The following LITAF variants were observed in gnomAD, a reference collection of about 807,000 sequenced individuals.
The protein encoded by LITAF is lipopolysaccharide-induced tumor necrosis factor-alpha factor.
In LITAF, 9 loss-of-function variants were observed where a neutral mutation model predicts 14.5. The observed-to-expected ratio is 0.62, with a 90% CI of 0.37 to 1.08. The LOEUF (loss-of-function observed/expected upper bound fraction) is 1.08, where lower values mean the gene tolerates loss of function less well. Among genes scored for constraint, LITAF ranks in the 50% least tolerant of loss-of-function variants. The pLI is 0.01. For missense variants in LITAF, 206 were observed against 213.4 expected (o/e 0.97, Z 0.22); for synonymous variants, 98 against 88.2 (o/e 1.11, Z -0.62).
At chr16:11,566,848 C>A (rs916031767) in intron 1 of LITAF, among the ~76,000 whole-genome samples, 11 of 151,960 alleles carry the variant, frequency 7.2e-5, no homozygotes, top group Non-Finnish European at 1.6e-4. Context: ...AGGGCTTACT[C>A]CAATAGCTCT....
At chr16:11,631,649 C>G (rs1310866571) in intron 3 of LITAF, among the ~76,000 whole-genome samples, 1 of 152,322 alleles carries the variant, frequency 6.6e-6, no homozygotes, top group East Asian at 1.9e-4. Flanking sequence ...CTCAACCTCC[C>G]AAAGTGCTGG....
At chr16:11,628,683 C>T (rs954517596) in intron 3 of LITAF, among the ~76,000 whole-genome samples, 1 of 147,478 alleles carries the variant, frequency 6.8e-6, no homozygotes, top group Non-Finnish European at 1.5e-5. Context: ...TTTTTCTTTT[C>T]TTTTTTTTTT....
chr16:11,629,752 C>T (rs1441251464), intron 3 of LITAF, among the ~76,000 whole-genome samples: 2 of 152,116 alleles, frequency 1.3e-5, no homozygotes, highest in Non-Finnish European at 2.9e-5. Context: ...CAGAGGCAGC[C>T]AGTTTCGAAT....
upstream of LITAF, among the ~76,000 whole-genome samples, chr16:11,639,310 T>C (rs2065155082): frequency 6.7e-6 from 1 of 149,986 alleles, no homozygotes; most frequent in East Asian, 2.0e-4. Context: ...GTGGGAGGGA[T>C]AGACGGGGCA....
intron 1 of LITAF, among the ~76,000 whole-genome samples, chr16:11,585,041 C>G: frequency 6.6e-6 from 1 of 152,148 alleles, no homozygotes; most frequent in Middle Eastern, 3.4e-3. Flanking sequence ...AACTCTGTCT[C>G]TACTAAAAAT....
chr16:11,601,609 G>A (rs2058818), upstream of LITAF, among the ~76,000 whole-genome samples: 14,566 of 152,062 alleles, frequency 0.096, 866 homozygotes, highest in Non-Finnish European at 0.12. Flanking sequence ...TCGCTCTGTC[G>A]CTCAGGCTGG....
chr16:11,568,976 A>C (rs2141777553), intron 1 of LITAF, among the ~76,000 whole-genome samples: 1 of 152,100 alleles, frequency 6.6e-6, no homozygotes, highest in African/African-American at 2.4e-5. Flanking sequence ...CACTGTGTTC[A>C]GCCTGACACC....
At chr16:11,608,980 C>CA (rs3048072) in intron 3 of LITAF, among the ~76,000 whole-genome samples, 73,743 of 149,628 alleles carry the variant, frequency 0.49, 19,556 homozygotes, top group African/African-American at 0.69. Flanking sequence ...AACAAACAAA[C>CA]AAAAAAAAAC....
rs775462462 is a variant in LITAF, at chr16:11,586,393, G to T, written c.-6+493C>A. The T allele has an allele frequency of 1.3e-5, 2 of 152,238 alleles. No homozygotes were observed. The highest frequency in any genetic ancestry group is 4.8e-5 in the African/African-American group (2 of 41,462). The allele number at this position is 152,238 out of a possible 1,614,324, so 9.4% of individuals were successfully genotyped here. A position where few individuals can be genotyped will look rare whatever the true frequency, so the allele number is the denominator to read the frequency against. On this transcript the variant is annotated intron_variant, in intron 1 of 3. Coordinates refer to ENST00000622633, the MANE Select transcript of LITAF (RefSeq NM_001136472.2). The surrounding 1 kb of genome is among the most constrained non-coding windows in gnomAD (Gnocchi z 6.5). ...AGAAACGCGGGTACCCGCGCCCCTAGAAGTCAAATGTTTGGCAAATAGCAT... is the reference window on the plus strand; with the variant it reads ...AGAAACGCGGGTACCCGCGCCCCTATAAGTCAAATGTTTGGCAAATAGCAT...
At chr16:11,618,893 G>A (rs1178528700) in intron 3 of LITAF, among the ~76,000 whole-genome samples, 1 of 152,038 alleles carries the variant, frequency 6.6e-6, no homozygotes, top group Non-Finnish European at 1.5e-5. Context: ...TGAGGCAGGA[G>A]AATCGCGTGA....
At chr16:11,620,614 G>T (rs1316487321) in intron 3 of LITAF, among the ~76,000 whole-genome samples, 1 of 152,114 alleles carries the variant, frequency 6.6e-6, no homozygotes, top group South Asian at 2.1e-4. Context: ...GATTACAGAC[G>T]TGAGCCACTG....
At chr16:11,617,401 C>T (rs1464219970) in intron 3 of LITAF, among the ~76,000 whole-genome samples, 1 of 147,012 alleles carries the variant, frequency 6.8e-6, no homozygotes, top group Non-Finnish European at 1.5e-5. Context: ...GCAGTCCCAG[C>T]AATATATCAA....
At chr16:11,636,314 T>C (rs1489900564) in exon 1 of LITAF, 1 of 152,148 alleles carries the variant, frequency 6.6e-6, no homozygotes, top group African/African-American at 2.4e-5. Flanking sequence ...AGCAGAAGTG[T>C]AATAGGCGAA....
At chr16:11,596,696 CA>C (rs1381393758) in intron 1 of LITAF, among the ~76,000 whole-genome samples, 2 of 71,156 alleles carry the variant, frequency 2.8e-5, no homozygotes, top group Admixed American at 1.8e-4. Flanking sequence ...GGGGAAGGAG[CA>C]GGGGGAGAGG....
chr16:11,637,252 C>A (rs1013278813), upstream of LITAF, among the ~76,000 whole-genome samples: 6 of 152,092 alleles, frequency 3.9e-5, no homozygotes, highest in African/African-American at 9.7e-5. Flanking sequence ...GGAGAAGGGG[C>A]CTCACAGTAG....
At chr16:11,621,127 C>T (rs1041601193) in intron 3 of LITAF, among the ~76,000 whole-genome samples, 6 of 151,944 alleles carry the variant, frequency 3.9e-5, no homozygotes, top group Admixed American at 2.6e-4. Context: ...TGGCAGTGCG[C>T]GATCTCGGCT....
At chr16:11,568,634 A>C (rs1174721767) in intron 1 of LITAF, among the ~76,000 whole-genome samples, 1 of 148,292 alleles carries the variant, frequency 6.7e-6, no homozygotes, top group Non-Finnish European at 1.5e-5. Flanking sequence ...TAAGTGCTCC[A>C]CCTTCAGTGC....
At chr16:11,588,537 A>G (rs2064829175), upstream of LITAF, among the ~76,000 whole-genome samples, 1 of 135,954 alleles carries the variant, frequency 7.4e-6, no homozygotes, top group African/African-American at 2.6e-5. Context: ...AAAAAGAAAG[A>G]AAAAGAAGAA....
chr16:11,636,071 T>C (rs1342238225), intron 1 of LITAF: 1 of 152,144 alleles, frequency 6.6e-6, no homozygotes, highest in East Asian at 1.9e-4. Flanking sequence ...GGCACGAACA[T>C]TGTGTGGGGC....
Sources: allele counts gnomAD v4.1 joint callset (sites outside exome capture counted in the v4.1 genomes callset), GRCh38; gene constraint gnomAD v4.1.1; non-coding constraint Gnocchi (gnomAD v3.1); transcripts MANE v1.5; gene names NCBI Gene and HGNC (gene_info 2026-07-23, HGNC 2026-07-21).